Variants in SV2B observed in about 807,000 individuals in gnomAD.
SV2B encodes solute carrier family 22 member B2.
SV2B carries 41 observed loss-of-function variants against 73.9 expected under a neutral mutation model. The observed-to-expected ratio is 0.56, with a 90% CI of 0.43 to 0.72. SV2B has a LOEUF of 0.72. SV2B is among the 30% of genes least tolerant of loss of function. The pLI is 0.00. For missense variants in SV2B, 764 were observed against 857.8 expected (o/e 0.89, Z 1.37); for synonymous variants, 314 against 314.2 (o/e 1.00, Z 0.01).
Position 91,118,197 on chromosome 15 carries a change from G to A in SV2B, c.-392+17834G>A, listed in dbSNP as rs764433956. On this transcript the variant is annotated intron_variant, in intron 1 of 12. Transcript: ENST00000394232. The surrounding 1 kb of genome is among the most constrained non-coding windows in gnomAD (Gnocchi z 4.7). ...GGGAGTGGAGATGCTTGCAAAAAGGGAGACAGGGTACCTTGCACCCTAGCT... is the reference window on the plus strand; with the variant it reads ...GGGAGTGGAGATGCTTGCAAAAAGGAAGACAGGGTACCTTGCACCCTAGCT... 2.1e-4 allele frequency among the ~76,000 whole-genome samples: 32 copies of A among 152,174 alleles called. No homozygotes were observed. The highest frequency in any genetic ancestry group is 3.4e-4 in the Non-Finnish European group (23 of 68,020).
intron 1 of SV2B, among the ~76,000 whole-genome samples, chr15:91,187,518 C>T (rs1242902032): frequency 6.6e-6 from 1 of 152,150 alleles, no homozygotes; most frequent in African/African-American, 2.4e-5. Flanking sequence ...TGGAAGTCAC[C>T]CCATTCTAAT....
intron 1 of SV2B, among the ~76,000 whole-genome samples, chr15:91,217,866 A>G (rs1362508632): frequency 6.6e-6 from 1 of 152,246 alleles, no homozygotes; most frequent in Non-Finnish European, 1.5e-5. Flanking sequence ...CCTTTATGGC[A>G]GGGATGGGAC....
chr15:91,215,431 G>C (rs1408321177), intron 1 of SV2B, among the ~76,000 whole-genome samples: 1 of 152,164 alleles, frequency 6.6e-6, no homozygotes, highest in Non-Finnish European at 1.5e-5. Context: ...TCTCCTGCAG[G>C]TGGTTTAAGG....
At chr15:91,181,196 T>C (rs1004654803) in intron 1 of SV2B, among the ~76,000 whole-genome samples, 1 of 152,230 alleles carries the variant, frequency 6.6e-6, no homozygotes, top group Non-Finnish European at 1.5e-5. Context: ...CAGCAGTGTC[T>C]GCATAACAGC....
At position 91,224,606 on chromosome 15, in the gene SV2B, G is replaced by A. The variant is rs961487117; in HGVS notation, c.-391-1267G>A. ...AGTCCCTCGGGGTAGCATCTGGGAA[G>A]TATGAGGACATTGGAACGAGCTGGC... On this transcript the variant is annotated intron_variant, in intron 1 of 12. Transcript: ENST00000394232. The surrounding 1 kb of genome is among the most constrained non-coding windows in gnomAD (Gnocchi z 4.9). Among the ~76,000 whole-genome samples the A allele has an allele frequency of 6.6e-5, 10 of 152,348 alleles. No individual in the cohort carries two copies. The highest frequency in any genetic ancestry group is 2.4e-4 in the African/African-American group (10 of 41,582).
Position 91,118,962 on chromosome 15 carries a change from G to T in SV2B, c.-392+18599G>T, listed in dbSNP as rs551018874. On this transcript the variant is annotated intron_variant, in intron 1 of 12. Transcript: ENST00000394232. This position sits in a 1 kb window ranked among gnomAD's most constrained non-coding sequence, Gnocchi z 4.7. Reference sequence around the variant, plus strand: ...GTCTCGGCTTGGAGGCAGGGCCTGTGGGGGTGGGCGTGCTGGCTGATCCGC... The same window carrying T: ...GTCTCGGCTTGGAGGCAGGGCCTGTTGGGGTGGGCGTGCTGGCTGATCCGC... Among the ~76,000 whole-genome samples the T allele has an allele frequency of 6.6e-6, 1 of 152,298 alleles. No individual in the cohort carries two copies. The highest frequency in any genetic ancestry group is 1.9e-4 in the East Asian group (1 of 5,188).
At chr15:91,158,627 A>AT (rs2043572757) in intron 1 of SV2B, among the ~76,000 whole-genome samples, 1 of 105,834 alleles carries the variant, frequency 9.4e-6, no homozygotes, top group African/African-American at 3.3e-5. Context: ...CTTTTCTTTT[A>AT]TTTTCCCTCT....
chr15:91,113,766 G>A (rs571250284), intron 1 of SV2B, among the ~76,000 whole-genome samples: 105 of 152,262 alleles, frequency 6.9e-4, no homozygotes, highest in African/African-American at 2.4e-3. Context: ...TCTGATACAG[G>A]TTGCATAGCC....
intron 1 of SV2B, among the ~76,000 whole-genome samples, chr15:91,127,501 C>T (rs956813053): frequency 3.3e-5 from 5 of 152,120 alleles, no homozygotes; most frequent in Non-Finnish European, 5.9e-5. Flanking sequence ...TATCCCTCAG[C>T]AGGAAGGCTC....
At chr15:91,162,249 T>A (rs189264001) in intron 1 of SV2B, among the ~76,000 whole-genome samples, 7 of 152,294 alleles carry the variant, frequency 4.6e-5, no homozygotes, top group African/African-American at 1.2e-4. Flanking sequence ...TAGTAATCTT[T>A]CTTCCAGAAA....
chr15:91,159,162 T>TTGAC (rs2141244198), intron 1 of SV2B, among the ~76,000 whole-genome samples: 1 of 152,294 alleles, frequency 6.6e-6, no homozygotes, highest in East Asian at 1.9e-4. Context: ...CTTTAGCATT[T>TTGAC]TGACTTGATG....
intron 1 of SV2B, among the ~76,000 whole-genome samples, chr15:91,159,629 A>C (rs2141245241): frequency 6.6e-6 from 1 of 152,366 alleles, no homozygotes; most frequent in Non-Finnish European, 1.5e-5. Flanking sequence ...AGACATTCCC[A>C]TTCAAGTTCT....
In SV2B at chr15:91,214,880, G is replaced by A. The variant is rs546514852; in HGVS notation, c.-391-10993G>A. ...TGCTGCCTTCAGGAGCAAGCCTTCTGCCATCTGCCAGGCAGTTCTGTTTTG... is the reference window on the plus strand; with the variant it reads ...TGCTGCCTTCAGGAGCAAGCCTTCTACCATCTGCCAGGCAGTTCTGTTTTG... On this transcript the variant is annotated intron_variant, in intron 1 of 12. Transcript: ENST00000394232. This position sits in a 1 kb window ranked among gnomAD's most constrained non-coding sequence, Gnocchi z 4.7. Among the ~76,000 whole-genome samples the A allele has an allele frequency of 3.3e-4, 51 of 152,294 alleles. No homozygotes were observed. Among genetic ancestry groups the A allele is most frequent in the African/African-American group, 1.2e-3 (50 of 41,550 alleles).
rs548709269 is a variant in SV2B at position 91,273,299 on chromosome 15, C to A, written c.1373+4694C>A. On this transcript the variant is annotated intron_variant, in intron 9 of 12. Transcript: ENST00000394232. Reference sequence around the variant, plus strand: ...ATTGTTTAATAACAAGCTGAGCCAACCTAGGCAAATCTGTGACCTGTCTAA... The same window carrying A: ...ATTGTTTAATAACAAGCTGAGCCAAACTAGGCAAATCTGTGACCTGTCTAA... 1.3e-3 allele frequency among the ~76,000 whole-genome samples: 196 copies of A among 152,262 alleles called. 2 individuals carry two copies. The highest frequency in any genetic ancestry group is 6.8e-3 in the Middle Eastern group (2 of 294).
chr15:91,274,647 A>G (rs1354384648), intron 9 of SV2B, among the ~76,000 whole-genome samples: 5 of 152,178 alleles, frequency 3.3e-5, no homozygotes, highest in Non-Finnish European at 7.4e-5. Flanking sequence ...TACTAATACA[A>G]TTTCCATTAA....
rs775223820 is a variant in SV2B at position 91,226,273 on chromosome 15, T to A, written c.10T>A (p.Tyr4Asn). 3 of 1,614,114 alleles carry A rather than the reference T, an allele frequency of 1.9e-6. No homozygotes were observed. The South Asian group carries it at 3.3e-5, about 18-fold the overall frequency. Residue 4 changes from tyrosine (Y) to asparagine (N), a missense_variant, in exon 2 of 13, where the codon TAC (tyrosine) becomes AAC (asparagine). Coordinates refer to ENST00000394232, the MANE Select transcript of SV2B (RefSeq NM_001323032.3). ...GTCGCAGAACCAAGGAATGGATGAC[T>A]ACAAGTATCAGGACAATTATGGGGG... The part of the protein sequence containing the change: MDD[Y>N]KYQDNYGGYA...
rs372675995 is a variant in SV2B, at chr15:91,197,487, G to A, written c.-391-28386G>A. ...CATCCACCTGCCTCGGCCTCCCATA[G>A]TGCTGGGATTACAGGCGTGAGCCAC... On this transcript the variant is annotated intron_variant, in intron 1 of 12. Transcript: ENST00000394232. The surrounding 1 kb of genome is among the most constrained non-coding windows in gnomAD (Gnocchi z 4.9). 6.6e-6 allele frequency among the ~76,000 whole-genome samples: 1 copy of A among 151,546 alleles called. No homozygotes were observed. Among genetic ancestry groups the A allele is most frequent in the East Asian group, 2.0e-4 (1 of 5,098 alleles).
rs572946675 is a variant in SV2B at position 91,158,198 on chromosome 15, C to T, written c.-392+57835C>T. Among the ~76,000 whole-genome samples, 10 of 152,184 alleles carry T rather than the reference C, an allele frequency of 6.6e-5. No homozygotes were observed. The East Asian group carries it at 1.9e-3, about 29-fold the overall frequency. On this transcript the variant is annotated intron_variant, in intron 1 of 12. Transcript: ENST00000394232. ...GGTGTTTGGGTCAAGAGGGCTCTGC[C>T]CTTGTTGGGTGTCTTGGTGCTGTTG...
intron 1 of SV2B, among the ~76,000 whole-genome samples, chr15:91,169,155 C>T (rs2044026634): frequency 6.6e-6 from 1 of 152,190 alleles, no homozygotes; most frequent in South Asian, 2.1e-4. Flanking sequence ...TTCTCCTCCT[C>T]CTCCTCCTCA....
Sources: gnomAD v4.1 joint callset for allele counts (sites outside exome capture counted in the v4.1 genomes callset) on GRCh38, gnomAD v4.1.1 for gene constraint, Gnocchi (gnomAD v3.1) non-coding constraint, MANE v1.5 for transcripts, NCBI Gene and HGNC (gene_info 2026-07-23, HGNC 2026-07-21) for gene names.